FOXP1: variants seen among roughly 807,000 people sequenced by gnomAD.
FOXP1 encodes the protein forkhead box P1.
Under a neutral mutation model 98.2 loss-of-function variants are expected in FOXP1, and 15 were observed. That is an observed-to-expected ratio of 0.15 (90% CI 0.10 to 0.24). The LOEUF (loss-of-function observed/expected upper bound fraction) is 0.24. Ranked by LOEUF, FOXP1 falls within the 10% of genes least tolerant of loss-of-function variation. The pLI, the probability that FOXP1 is intolerant of heterozygous loss-of-function variation, is 1.00. For synonymous variants in FOXP1, 371 were observed against 314.5 expected (o/e 1.18, Z -1.90); for missense variants, 633 against 848.5 (o/e 0.75, Z 3.15).
chr3:71,352,470 CA>C (rs34693899), intron 4 of FOXP1, among the ~76,000 whole-genome samples: 101 of 67,110 alleles, frequency 1.5e-3, no homozygotes, highest in African/African-American at 5.7e-3. Flanking sequence ...GACTCCATCT[CA>C]AAAAAAAAAA....
At chr3:71,385,788 C>A (rs925881649) in intron 3 of FOXP1, among the ~76,000 whole-genome samples, 1 of 152,088 alleles carries the variant, frequency 6.6e-6, no homozygotes, top group Non-Finnish European at 1.5e-5. Flanking sequence ...ATATCGTGGT[C>A]TCCTTCTCCA....
intron 3 of FOXP1, among the ~76,000 whole-genome samples, chr3:71,467,876 A>C (rs981077358): frequency 1.3e-5 from 2 of 152,226 alleles, no homozygotes; most frequent in African/African-American, 2.4e-5. Context: ...CTGATGCTGC[A>C]GTACAGGGAC....
At chr3:71,121,523 G>T (rs928783739) in intron 6 of FOXP1, among the ~76,000 whole-genome samples, 1 of 151,458 alleles carries the variant, frequency 6.6e-6, no homozygotes, top group Non-Finnish European at 1.5e-5. Context: ...TTAACATAGG[G>T]CCCTATAACC....
At chr3:71,049,248 C>A (rs1339964093) in intron 9 of FOXP1, among the ~76,000 whole-genome samples, 1 of 152,142 alleles carries the variant, frequency 6.6e-6, no homozygotes. Context: ...CTCCCTACTG[C>A]CTAACATAAA....
intron 11 of FOXP1, among the ~76,000 whole-genome samples, chr3:71,031,195 C>G (rs1317093572): frequency 6.6e-6 from 1 of 152,150 alleles, no homozygotes; most frequent in African/African-American, 2.4e-5. Flanking sequence ...ACACAATACA[C>G]AAAAGCTCCT....
chr3:71,436,486 T>C (rs1371488051), intron 3 of FOXP1, among the ~76,000 whole-genome samples: 4 of 151,896 alleles, frequency 2.6e-5, no homozygotes. Flanking sequence ...AAATACCCCA[T>C]CTATCGTCCC....
At chr3:71,563,314 C>CA (rs1262656705) in intron 2 of FOXP1, among the ~76,000 whole-genome samples, 4 of 152,050 alleles carry the variant, frequency 2.6e-5, no homozygotes, top group Non-Finnish European at 4.4e-5. Flanking sequence ...CTGAGTTTAA[C>CA]AAAAAAGGGC....
intron 7 of FOXP1, among the ~76,000 whole-genome samples, chr3:71,101,121 G>A (rs1273910199): frequency 5.9e-5 from 9 of 152,158 alleles, no homozygotes; most frequent in Admixed American, 5.9e-4. Context: ...GAAAATACCA[G>A]CGGAAGGAAA....
intron 3 of FOXP1, among the ~76,000 whole-genome samples, chr3:71,397,008 G>GTA (rs377470035): frequency 0.02 from 415 of 20,380 alleles, 95 homozygotes; most frequent in Non-Finnish European, 0.037. Context: ...ATATATATGT[G>GTA]TATATATATA....
At chr3:71,477,630 A>C (rs2089959759) in intron 3 of FOXP1, among the ~76,000 whole-genome samples, 1 of 152,216 alleles carries the variant, frequency 6.6e-6, no homozygotes, top group South Asian at 2.1e-4. Context: ...TATTTCTCTT[A>C]TGATGTTGAG....
chr3:71,049,585 G>A (rs545667418), intron 9 of FOXP1, among the ~76,000 whole-genome samples: 8 of 151,146 alleles, frequency 5.3e-5, no homozygotes, highest in Non-Finnish European at 1.0e-4. Flanking sequence ...AAGGTACATC[G>A]TTCTGGCCAA....
At chr3:71,236,609 C>T (rs1019490294) in intron 5 of FOXP1, among the ~76,000 whole-genome samples, 1 of 152,162 alleles carries the variant, frequency 6.6e-6, no homozygotes, top group East Asian at 1.9e-4. Flanking sequence ...GTGGCTCACA[C>T]CTGTAATCCC....
chr3:71,577,318 A>T (rs1578253733), intron 2 of FOXP1, among the ~76,000 whole-genome samples: 1 of 152,054 alleles, frequency 6.6e-6, no homozygotes, highest in Admixed American at 6.5e-5. Context: ...AAACCAAAAC[A>T]CTTCTAGAAA....
chr3:71,235,818 G>A (rs931517385), intron 5 of FOXP1, among the ~76,000 whole-genome samples: 4 of 152,022 alleles, frequency 2.6e-5, no homozygotes, highest in African/African-American at 4.8e-5. Context: ...CACCCGCCTC[G>A]GTCTCCCAAA....
chr3:71,082,286 G>GA (rs75431341), intron 7 of FOXP1, among the ~76,000 whole-genome samples: 5,322 of 84,514 alleles, frequency 0.063, 297 homozygotes, highest in African/African-American at 0.19. Context: ...TTAAAAAAAA[G>GA]AAAAAAAAAA....
Position 71,463,727 on chromosome 3 carries a change from C to T in FOXP1, c.-168+29699G>A, listed in dbSNP as rs767355185. ...GCTACCAGGGTAACTATCATGACTG[C>T]GTCTTGACCCCAAACACAGCACAGT... On this transcript the variant is annotated intron_variant, in intron 3 of 20. Coordinates refer to ENST00000649528, the MANE Select transcript of FOXP1 (RefSeq NM_001349338.3). Among the ~76,000 whole-genome samples the T allele has an allele frequency of 2.6e-5, 4 of 152,274 alleles. No homozygotes were observed. In the East Asian group the frequency reaches 5.8e-4, roughly 22 times the overall value.
intron 2 of FOXP1, among the ~76,000 whole-genome samples, chr3:71,560,366 A>T (rs1385556291): frequency 1.3e-5 from 2 of 152,192 alleles, no homozygotes; most frequent in African/African-American, 4.8e-5. Context: ...GAAGCAAGTC[A>T]TTAATACCTT....
intron 6 of FOXP1, among the ~76,000 whole-genome samples, chr3:71,118,140 A>T (rs983430754): frequency 1.3e-5 from 2 of 152,170 alleles, no homozygotes; most frequent in Non-Finnish European, 1.5e-5. Context: ...ACTCAGAGCC[A>T]GTGAGATGGC....
intron 3 of FOXP1, among the ~76,000 whole-genome samples, chr3:71,386,906 C>T (rs2080634101): frequency 6.6e-6 from 1 of 152,020 alleles, no homozygotes; most frequent in African/African-American, 2.4e-5. Flanking sequence ...TTCTTTACTC[C>T]TTAACTCTGA....
Sources: gnomAD v4.1 joint callset for allele counts (sites outside exome capture counted in the v4.1 genomes callset) on GRCh38, gnomAD v4.1.1 for gene constraint, MANE v1.5 for transcripts, NCBI Gene and HGNC (gene_info 2026-07-23, HGNC 2026-07-21) for gene names.